Variants in PRRG1 observed in about 807,000 individuals in gnomAD.
PRRG1 encodes the protein proline rich and Gla domain 1.
In PRRG1, 5 loss-of-function variants were observed where a neutral mutation model predicts 11.8. That is an observed-to-expected ratio of 0.42 (90% CI 0.22 to 0.89). PRRG1 has a LOEUF of 0.89. Among genes scored for constraint, PRRG1 ranks in the 40% least tolerant of loss-of-function variants. PRRG1 has a pLI of 0.28. For missense variants in PRRG1, 155 were observed against 166.1 expected, an observed-to-expected ratio of 0.93 and a Z score of 0.37; for synonymous variants, 66 against 60.4, an observed-to-expected ratio of 1.09 and a Z score of -0.43.
At chrX:37,366,480 T>C (rs1930574872) in intron 1 of PRRG1, among the ~76,000 whole-genome samples, 1 of 112,141 alleles carries the variant, frequency 8.9e-6, no homozygotes, top group African/African-American at 3.2e-5. Flanking sequence ...GGTGTCATGA[T>C]GTGAGACTAG....
chrX:37,450,992 TTTTTGTTTTGTTTTGTTTTG>T (rs560769877), intron 3 of PRRG1, among the ~76,000 whole-genome samples: 6 of 106,500 alleles, frequency 5.6e-5, no homozygotes, highest in Non-Finnish European at 9.6e-5. Flanking sequence ...ATTTTTGCTG[TTTTTGTTTTGTTTTGTTTTG>T]TTTTGTTTTG....
intron 2 of PRRG1, among the ~76,000 whole-genome samples, chrX:37,414,325 G>A (rs144526602): frequency 0.025 from 2,831 of 111,816 alleles, 91 homozygotes; most frequent in African/African-American, 0.086. Flanking sequence ...CGATATAATG[G>A]TGTTTTTTAT....
At chrX:37,353,482 G>A (rs1342897061) in intron 1 of PRRG1, among the ~76,000 whole-genome samples, 2 of 111,639 alleles carry the variant, frequency 1.8e-5, no homozygotes, top group East Asian at 5.6e-4. Flanking sequence ...TAGCCTAAGT[G>A]GAGACTATTT....
At chrX:37,451,266 C>T (rs782664184) in intron 3 of PRRG1, among the ~76,000 whole-genome samples, 5 of 112,364 alleles carry the variant, frequency 4.4e-5, no homozygotes, top group African/African-American at 1.6e-4. Context: ...GATCGCCTGC[C>T]TCAGCCTCCC....
At chrX:37,369,131 T>C (rs888665348) in intron 1 of PRRG1, among the ~76,000 whole-genome samples, 2 of 112,403 alleles carry the variant, frequency 1.8e-5, no homozygotes, top group African/African-American at 6.5e-5. Flanking sequence ...CTGATTTTCT[T>C]CATTCATTTC....
At chrX:37,391,387 G>GA (rs202060688) in intron 1 of PRRG1, among the ~76,000 whole-genome samples, 24 of 107,127 alleles carry the variant, frequency 2.2e-4, no homozygotes, top group Admixed American at 6.0e-4. Flanking sequence ...GAAAGAAGCA[G>GA]AAAAAAAAAA....
Position 37,457,183 on chromosome X carries a change from G to A in PRRG1, c.*3562G>A, listed in dbSNP as rs1033272266. 5 of 111,518 alleles carry A rather than the reference G, an allele frequency of 4.5e-5. No homozygotes were observed. The highest frequency in any genetic ancestry group is 9.4e-5 in the Non-Finnish European group (5 of 53,003). 9.2% of individuals were successfully genotyped at this position (111,518 alleles called of 1,213,427 possible). A position where few individuals can be genotyped will look rare whatever the true frequency, so the allele number is the denominator to read the frequency against. On this transcript the variant is annotated 3_prime_UTR_variant, in exon 4 of 4. Transcript: ENST00000378628. Reference sequence around the variant, plus strand: ...TAATATTTCTCATTTTAAGATGCTTGGTTTACATTAAATTATGGTATTTAA... The same window carrying A: ...TAATATTTCTCATTTTAAGATGCTTAGTTTACATTAAATTATGGTATTTAA...
At chrX:37,401,834 A>G (rs1281591143) in intron 1 of PRRG1, among the ~76,000 whole-genome samples, 4 of 111,113 alleles carry the variant, frequency 3.6e-5, no homozygotes, top group Non-Finnish European at 5.7e-5. Context: ...ATTCTTATAC[A>G]CCAACAACAG....
chrX:37,419,740 G>C (rs1556386359), intron 2 of PRRG1, among the ~76,000 whole-genome samples: 1 of 111,341 alleles, frequency 9.0e-6, no homozygotes, highest in African/African-American at 3.3e-5. Context: ...TATCCCACTG[G>C]TCATGTAGCT....
At chrX:37,434,596 TGC>T (rs1556391495) in intron 3 of PRRG1, among the ~76,000 whole-genome samples, 1 of 112,097 alleles carries the variant, frequency 8.9e-6, no homozygotes, top group African/African-American at 3.2e-5. Flanking sequence ...TATATTGATT[TGC>T]GCAAACATTT....
intron 2 of PRRG1, among the ~76,000 whole-genome samples, chrX:37,420,580 C>T (rs906568825): frequency 3.8e-5 from 4 of 106,389 alleles, no homozygotes; most frequent in Non-Finnish European, 7.7e-5. Flanking sequence ...TGCCTGTAAT[C>T]CCAGCACTTT....
intron 1 of PRRG1, among the ~76,000 whole-genome samples, chrX:37,358,698 G>A (rs1245092316): frequency 5.4e-5 from 6 of 110,966 alleles, no homozygotes; most frequent in Non-Finnish European, 9.5e-5. Flanking sequence ...TGTATCTGCT[G>A]CCTCTCCATA....
chrX:37,417,921 G>T (rs1244191730), intron 2 of PRRG1, among the ~76,000 whole-genome samples: 1 of 111,792 alleles, frequency 8.9e-6, no homozygotes, highest in Non-Finnish European at 1.9e-5. Context: ...TTGGGATATG[G>T]TGATTGCTTG....
At chrX:37,440,278 C>T (rs1460581654) in intron 3 of PRRG1, among the ~76,000 whole-genome samples, 1 of 111,549 alleles carries the variant, frequency 9.0e-6, no homozygotes, top group Non-Finnish European at 1.9e-5. Context: ...AGCATCATAC[C>T]ATGTAGCTAA....
At chrX:37,358,333 T>C (rs1431107901) in intron 1 of PRRG1, among the ~76,000 whole-genome samples, 2 of 111,794 alleles carry the variant, frequency 1.8e-5, no homozygotes, top group African/African-American at 6.5e-5. Flanking sequence ...AGAGGTCATG[T>C]AGATTTTTTC....
chrX:37,425,528 A>G (rs1182542445), intron 2 of PRRG1, among the ~76,000 whole-genome samples: 7 of 112,324 alleles, frequency 6.2e-5, no homozygotes, highest in African/African-American at 2.3e-4. Context: ...ATCTACTTAC[A>G]GTAATGAGTA....
rs1334424018 is a variant in PRRG1, at chrX:37,399,026, A to G, written c.-41-7183A>G. ...CTGATTGGTGTACCTGAAAGTGACG[A>G]GGAGAATGGAACCAAGTTGGAAAAC... On this transcript the variant is annotated intron_variant, in intron 1 of 3. Transcript: ENST00000378628. 5.5e-4 allele frequency among the ~76,000 whole-genome samples: 61 copies of G among 111,326 alleles called. 1 individual carries two copies. The highest frequency in any genetic ancestry group is 2.0e-3 in the African/African-American group (60 of 30,664).
At chrX:37,376,927 C>T (rs1412374966) in intron 1 of PRRG1, among the ~76,000 whole-genome samples, 1 of 109,661 alleles carries the variant, frequency 9.1e-6, no homozygotes, top group Admixed American at 9.8e-5. Flanking sequence ...CTTTTTTGAG[C>T]CAAATGCTCA....
At chrX:37,397,566 A>G (rs782665046) in intron 1 of PRRG1, among the ~76,000 whole-genome samples, 10 of 112,511 alleles carry the variant, frequency 8.9e-5, no homozygotes, top group Non-Finnish European at 1.7e-4. Flanking sequence ...GCATTATGAG[A>G]GTTCAAAGGA....
Sources: gnomAD v4.1 joint callset for allele counts (sites outside exome capture counted in the v4.1 genomes callset) on GRCh38, gnomAD v4.1.1 for gene constraint, MANE v1.5 for transcripts, NCBI Gene and HGNC (gene_info 2026-07-23, HGNC 2026-07-21) for gene names.